Variants in TNIP1 observed in about 807,000 individuals in gnomAD.
TNIP1 encodes TNFAIP3 interacting protein 1.
A neutral mutation model predicts 86.6 loss-of-function variants in TNIP1; 22 were observed. The observed-to-expected ratio is 0.25, with a 90% CI of 0.18 to 0.36. The LOEUF (loss-of-function observed/expected upper bound fraction) is 0.36. Ranked by LOEUF, TNIP1 falls within the 10% of genes least tolerant of loss-of-function variation. The pLI, the probability that TNIP1 is intolerant of heterozygous loss-of-function variation, is 1.00. For missense variants in TNIP1, 709 were observed against 820.6 expected (o/e 0.86, Z 1.66); for synonymous variants, 294 against 313.0 (o/e 0.94, Z 0.64).
At chr5:151,073,151 G>A (rs1199688060) in intron 1 of TNIP1, among the ~76,000 whole-genome samples, 2 of 151,728 alleles carry the variant, frequency 1.3e-5, no homozygotes, top group Non-Finnish European at 2.9e-5. Flanking sequence ...GAACTTGGGA[G>A]GTGGAGATTG....
chr5:151,064,804 A>G (rs1002589646), intron 2 of TNIP1, among the ~76,000 whole-genome samples, 156 bp downstream of exon 2: 8 of 152,000 alleles, frequency 5.3e-5, no homozygotes, highest in African/African-American at 1.9e-4. Flanking sequence ...GTGCATAGAG[A>G]CAGCTGTGAG....
Position 151,075,280 on chromosome 5 carries a change from C to T in TNIP1, c.-37+5600G>A, listed in dbSNP as rs999875773. Among the ~76,000 whole-genome samples, 11 of 152,260 alleles carry T rather than the reference C, an allele frequency of 7.2e-5. No individual in the cohort carries two copies. The East Asian group carries it at 1.7e-3, about 24-fold the overall frequency. ...AGATGAGTGAGCATGTAGGTGCCTG[C>T]GTGTTACCCTCGGTATCTGAGAGAC... On this transcript the variant is annotated intron_variant, in intron 1 of 17. Transcript: ENST00000521591.
At chr5:151,033,892 AG>A in intron 15 of TNIP1, 93 bp from the exon 16 acceptor site, 1 of 1,166,396 alleles carries the variant, frequency 8.6e-7, no homozygotes, top group Admixed American at 3.2e-5. Context: ...AGCTCTCTGA[AG>A]GCTAGCAGGC....
At position 151,030,382 on chromosome 5, in the gene TNIP1, G is replaced by A; in HGVS notation, c.*331C>T. Reference sequence around the variant, plus strand: ...GGAGGTTTTGAAGGAAGGGGGTCTTGGCTGCCTCCCACTCTTAGGATTGCT... The same window carrying A: ...GGAGGTTTTGAAGGAAGGGGGTCTTAGCTGCCTCCCACTCTTAGGATTGCT... On this transcript the variant is annotated 3_prime_UTR_variant, in exon 18 of 18. Transcript: ENST00000521591. 1 of 480,280 alleles carries A rather than the reference G, an allele frequency of 2.1e-6. No homozygotes were observed. The allele number at this position is 480,280 out of a possible 1,614,324, so 29.8% of individuals were successfully genotyped here.
intron 14 of TNIP1, among the ~76,000 whole-genome samples, 183 bp downstream of exon 14, chr5:151,035,399 A>C (rs11748041): frequency 0.83 from 125,896 of 152,254 alleles, 52,150 homozygotes; most frequent in East Asian, 0.97. Flanking sequence ...TTAGAGTAAA[A>C]CTCGTAATTG....
intron 12 of TNIP1, 56 bp from the exon 13 acceptor site, chr5:151,036,977 T>C (rs1757791213): frequency 4.6e-6 from 7 of 1,529,422 alleles, no homozygotes; most frequent in Non-Finnish European, 6.1e-6. Flanking sequence ...TCAGGGCCCT[T>C]TGGAGGGGTC....
At chr5:151,081,463 A>G (rs1262767398), upstream of TNIP1, among the ~76,000 whole-genome samples, 1 of 152,160 alleles carries the variant, frequency 6.6e-6, no homozygotes, top group Non-Finnish European at 1.5e-5. Flanking sequence ...GCTGGAGCTC[A>G]GGCCCCCAGA....
At chr5:151,059,220 G>C (rs1355179105) in intron 5 of TNIP1, among the ~76,000 whole-genome samples, 1 of 152,246 alleles carries the variant, frequency 6.6e-6, no homozygotes, top group Non-Finnish European at 1.5e-5. Context: ...TCGGTCCAAA[G>C]TCAGAGTGAA....
intron 1 of TNIP1, among the ~76,000 whole-genome samples, chr5:151,067,195 A>T (rs1434566175): frequency 1.3e-5 from 2 of 152,236 alleles, no homozygotes; most frequent in Admixed American, 1.3e-4. Flanking sequence ...CACAAAGTGC[A>T]GATGTTTCCA....
chr5:151,038,762 G>C (rs1215282750), intron 12 of TNIP1, among the ~76,000 whole-genome samples: 1 of 152,138 alleles, frequency 6.6e-6, no homozygotes, highest in African/African-American at 2.4e-5. Flanking sequence ...GAAGTTGCTG[G>C]TACCTCAGGA....
At chr5:151,064,581 C>A (rs1561524183) in intron 2 of TNIP1, among the ~76,000 whole-genome samples, 1 of 90,828 alleles carries the variant, frequency 1.1e-5, no homozygotes, top group Non-Finnish European at 2.2e-5. Context: ...TGCTCCAACA[C>A]CTAGGAACGC....
At chr5:151,077,065 A>G (rs936738729) in intron 1 of TNIP1, among the ~76,000 whole-genome samples, 31 of 152,244 alleles carry the variant, frequency 2.0e-4, no homozygotes, top group African/African-American at 7.2e-4. Context: ...GAACAAGTTT[A>G]TTTGGCTCAT....
At chr5:151,076,020 A>C (rs1763351852) in intron 1 of TNIP1, among the ~76,000 whole-genome samples, 1 of 152,242 alleles carries the variant, frequency 6.6e-6, no homozygotes, top group Non-Finnish European at 1.5e-5. Flanking sequence ...CTCAAGGAAC[A>C]GCCTCAGGGT....
Position 151,036,912 on chromosome 5 carries a change from C to T in TNIP1, c.1273G>A (p.Glu425Lys), listed in dbSNP as rs1670409498. Residue 425 changes from glutamate (E) to lysine (K), a missense_variant, in exon 13 of 18, where the codon GAA becomes AAA. Glu to Lys is a moderately conservative substitution (Grantham distance 56). Transcript: ENST00000521591. ...EIQRLNKALEEALSIQTPPSS... is the reference protein window; with the variant it reads ...EIQRLNKALEKALSIQTPPSS... ...GGCGGGGTTTGGATGCTCAGTGCTT[C>T]CTCCAGGGCCTGGAATCAGGAAAAG... is the stretch of plus-strand genomic sequence containing the variant. 6.2e-7 allele frequency: 1 copy of T among 1,604,016 alleles called. No individual in the cohort carries two copies. The highest frequency in any genetic ancestry group is 8.5e-7 in the Non-Finnish European group (1 of 1,174,744).
At chr5:151,062,237 G>A (rs750216351) in intron 3 of TNIP1, 25 bp from the exon 4 acceptor site, 1 of 1,607,824 alleles carries the variant, frequency 6.2e-7, no homozygotes, top group Non-Finnish European at 8.5e-7. Context: ...AAGCACAGAT[G>A]AACTGACTGG....
chr5:151,048,986 T>C (rs760609810), intron 8 of TNIP1, among the ~76,000 whole-genome samples: 1 of 152,216 alleles, frequency 6.6e-6, no homozygotes, highest in East Asian at 1.9e-4. Context: ...GTCCCAGCCT[T>C]GCCTACTCTA....
rs1424227940 is a variant in TNIP1, at chr5:151,074,632, G to A, written c.-37+6248C>T. Among the ~76,000 whole-genome samples the A allele has an allele frequency of 2.6e-5, 4 of 152,308 alleles. No homozygotes were observed. The East Asian group carries it at 7.7e-4, about 29-fold the overall frequency. On this transcript the variant is annotated intron_variant, in intron 1 of 17. Transcript: ENST00000521591. The stretch of plus-strand genomic sequence containing the variant: ...GGAAAAGGGGCTGGACAGGGGCTGA[G>A]GTACTCAGATGAAAGCCAAAGATGC...
intron 16 of TNIP1, among the ~76,000 whole-genome samples, chr5:151,033,152 G>GAAAAA: frequency 1.1e-5 from 1 of 90,122 alleles, no homozygotes; most frequent in Non-Finnish European, 2.2e-5. Context: ...AAAAGGAAAA[G>GAAAAA]AAAATAAAAA....
At chr5:151,066,886 A>G (rs1762300832) in intron 1 of TNIP1, among the ~76,000 whole-genome samples, 1 of 152,208 alleles carries the variant, frequency 6.6e-6, no homozygotes, top group South Asian at 2.1e-4. Context: ...GTAGGGCAGC[A>G]CCATGCTATC....
Sources: gnomAD v4.1 joint callset for allele counts (sites outside exome capture counted in the v4.1 genomes callset) on GRCh38, gnomAD v4.1.1 for gene constraint, MANE v1.5 for transcripts, NCBI Gene and HGNC (gene_info 2026-07-23, HGNC 2026-07-21) for gene names.